Variants in UNC13C observed in about 807,000 individuals in gnomAD.
The protein encoded by UNC13C is unc-13 homolog C.
In UNC13C, 174 loss-of-function variants were observed where a neutral mutation model predicts 245.4. The ratio of observed to expected loss-of-function variants is 0.71; its 90% CI spans 0.63 to 0.80. The LOEUF is 0.80. Ranked by LOEUF, UNC13C falls within the 30% of genes least tolerant of loss-of-function variation. The pLI is 0.00. For missense variants in UNC13C, 2,829 were observed against 2,602.9 expected (o/e 1.09, Z -1.89); for synonymous variants, 992 against 895.1 (o/e 1.11, Z -1.93).
chr15:54,173,890 G>GT (rs971016583), intron 4 of UNC13C, among the ~76,000 whole-genome samples: 10 of 151,828 alleles, frequency 6.6e-5, no homozygotes, highest in East Asian at 1.9e-4. Context: ...CTACCTAACA[G>GT]TTTTTTTTAA....
At chr15:53,927,074 C>A in the UNC13C span, among the ~76,000 whole-genome samples, 1 of 152,188 alleles carries the variant, frequency 6.6e-6, no homozygotes, top group African/African-American at 2.4e-5. Context: ...GTTCTAAGAG[C>A]TTTATAAATG....
intron 30 of UNC13C, among the ~76,000 whole-genome samples, chr15:54,586,035 A>C (rs1898471527): frequency 6.6e-6 from 1 of 152,204 alleles, no homozygotes; most frequent in Non-Finnish European, 1.5e-5. Context: ...CCTCCTACAG[A>C]ACCTGATAAA....
chr15:53,869,834 G>A, the UNC13C span, among the ~76,000 whole-genome samples: 1 of 152,160 alleles, frequency 6.6e-6, no homozygotes, highest in African/African-American at 2.4e-5. Flanking sequence ...ACTCCCCAGA[G>A]TAGAGAGAAA....
the UNC13C span, among the ~76,000 whole-genome samples, chr15:53,922,713 C>A: frequency 6.6e-6 from 1 of 152,290 alleles, no homozygotes; most frequent in Non-Finnish European, 1.5e-5. Context: ...TGACTTACAT[C>A]AACAGAGCAT....
intron 2 of UNC13C, among the ~76,000 whole-genome samples, chr15:54,020,853 T>A (rs1406136531): frequency 6.6e-6 from 1 of 152,150 alleles, no homozygotes; most frequent in Non-Finnish European, 1.5e-5. Context: ...CTTGGGGCTT[T>A]TTTTTTGTTT....
At chr15:53,917,325 C>T in the UNC13C span, among the ~76,000 whole-genome samples, 47,139 of 151,822 alleles carry the variant, frequency 0.31, 7,382 homozygotes, top group East Asian at 0.39. Context: ...TATCAAACAC[C>T]TTCTTTCTAG....
intron 15 of UNC13C, among the ~76,000 whole-genome samples, chr15:54,332,897 T>A (rs1596236731): frequency 6.6e-6 from 1 of 152,152 alleles, no homozygotes; most frequent in African/African-American, 2.4e-5. Context: ...CTTATGGAAG[T>A]TATAATACCA....
chr15:54,172,456 C>G (rs2033435842), intron 4 of UNC13C, among the ~76,000 whole-genome samples: 1 of 151,408 alleles, frequency 6.6e-6, no homozygotes. Context: ...AGTAAGGATT[C>G]TTTGGCTCTA....
intron 30 of UNC13C, among the ~76,000 whole-genome samples, chr15:54,613,032 T>A (rs531713227): frequency 6.6e-6 from 1 of 151,962 alleles, no homozygotes; most frequent in African/African-American, 2.4e-5. Context: ...AGATTATTAT[T>A]TGTCTCTCAA....
At chr15:54,375,217 C>G (rs1021034175) in intron 17 of UNC13C, among the ~76,000 whole-genome samples, 16 of 152,192 alleles carry the variant, frequency 1.1e-4, no homozygotes, top group Non-Finnish European at 4.4e-5. Context: ...ATATTGCAGC[C>G]TCTCATTCAG....
At chr15:54,287,283 T>A (rs2037174438) in intron 10 of UNC13C, among the ~76,000 whole-genome samples, 1 of 152,184 alleles carries the variant, frequency 6.6e-6, no homozygotes, top group East Asian at 1.9e-4. Context: ...CTGTATATTT[T>A]CATAAAAGTC....
chr15:54,312,713 A>C (rs924267522), intron 13 of UNC13C, among the ~76,000 whole-genome samples: 1 of 151,714 alleles, frequency 6.6e-6, no homozygotes, highest in African/African-American at 2.4e-5. Context: ...CTGCCTGGGG[A>C]GTCCATTAGC....
At chr15:54,168,137 C>A (rs1369466350) in intron 4 of UNC13C, among the ~76,000 whole-genome samples, 1 of 151,980 alleles carries the variant, frequency 6.6e-6, no homozygotes, top group African/African-American at 2.4e-5. Flanking sequence ...AGCATTTGTT[C>A]AATTTTGCTG....
intron 2 of UNC13C, among the ~76,000 whole-genome samples, chr15:54,092,613 T>C (rs8039424): frequency 0.67 from 102,423 of 152,040 alleles, 35,379 homozygotes; most frequent in Non-Finnish European, 0.75. Context: ...AAGAACACTC[T>C]TAGTTGCTAG....
Position 54,623,832 on chromosome 15 carries a change from A to C in UNC13C, c.6237A>C (p.Ala2079=). ...AINDLNWQTT[A]MFRPFVEVCI... is the part of the protein sequence containing the mutation. ...ATGACCTAAACTGGCAGACCACAGC[A>C]ATGTTCCGCCCCTTTGTGGAAGTTT... The change falls in exon 32 of 33, where the codon GCA becomes GCC. Residue 2079 remains alanine (A), a synonymous_variant. Coordinates refer to ENST00000260323, the MANE Select transcript of UNC13C (RefSeq NM_001080534.3). 6.2e-7 allele frequency: 1 copy of C among 1,613,106 alleles called. No individual in the cohort carries two copies. Among genetic ancestry groups the C allele is most frequent in the Non-Finnish European group, 8.5e-7 (1 of 1,179,390 alleles).
At position 54,331,096 on chromosome 15, in the gene UNC13C, C is replaced by T. The variant is rs115038422; in HGVS notation, c.4426-947C>T. Among the ~76,000 whole-genome samples the T allele has an allele frequency of 9.0e-3, 1,367 of 152,120 alleles. 20 individuals are homozygous for T. Among genetic ancestry groups the T allele is most frequent in the African/African-American group, 0.032 (1,323 of 41,526 alleles). Reference sequence around the variant, plus strand: ...AGAGTTATATACCCCATAAATCCACCTCCTCTGTGAAACTACTGAGAAAAG... The same window carrying T: ...AGAGTTATATACCCCATAAATCCACTTCCTCTGTGAAACTACTGAGAAAAG... On this transcript the variant is annotated intron_variant, in intron 14 of 32. Coordinates refer to ENST00000260323, the MANE Select transcript of UNC13C (RefSeq NM_001080534.3).
At chr15:54,238,946 G>A (rs183760994) in intron 7 of UNC13C, among the ~76,000 whole-genome samples, 51 of 152,314 alleles carry the variant, frequency 3.3e-4, no homozygotes, top group Admixed American at 8.5e-4. Flanking sequence ...GGCTTCAGGT[G>A]TAGTTTGGGT....
rs568827174 is a variant in UNC13C at position 54,415,093 on chromosome 15, C to A, written c.4933+26C>A. The stretch of plus-strand genomic sequence containing the variant: ...GTAATTATAAATATTTATACTTATT[C>A]GAATACATGTTAGAGTTAAATGGTG... On this transcript the variant is annotated intron_variant, in intron 19 of 32. Transcript: ENST00000260323. The A allele has an allele frequency of 2.0e-6, 3 of 1,499,384 alleles. No homozygotes were observed. The South Asian group carries it at 3.5e-5, about 18-fold the overall frequency. The allele number at this position is 1,499,384 out of a possible 1,614,324, so 92.9% of individuals were successfully genotyped here.
intron 2 of UNC13C, among the ~76,000 whole-genome samples, chr15:54,105,854 G>A (rs1008389916): frequency 6.6e-6 from 1 of 152,222 alleles, no homozygotes; most frequent in Non-Finnish European, 1.5e-5. Flanking sequence ...AGGATAAAAA[G>A]TATAAGATTA....
Sources: gnomAD v4.1 joint callset for allele counts (sites outside exome capture counted in the v4.1 genomes callset) on GRCh38, gnomAD v4.1.1 for gene constraint, MANE v1.5 for transcripts, NCBI Gene and HGNC (gene_info 2026-07-23, HGNC 2026-07-21) for gene names.